Variants in TMEM266 observed in about 807,000 individuals in gnomAD.
TMEM266 encodes the protein transmembrane protein 266, also known as Hv1 related protein 1.
In TMEM266, 33 loss-of-function variants were observed where a neutral mutation model predicts 50.5. That is an observed-to-expected ratio of 0.65 (90% CI 0.50 to 0.87). TMEM266 has a LOEUF of 0.87. Ranked by LOEUF, TMEM266 falls within the 40% of genes least tolerant of loss-of-function variation. TMEM266 has a pLI of 0.00. For missense variants in TMEM266, 655 were observed against 695.1 expected, an observed-to-expected ratio of 0.94 and a Z score of 0.65; for synonymous variants, 310 against 292.3, an observed-to-expected ratio of 1.06 and a Z score of -0.62.
In TMEM266 at chr15:76,204,486, A is replaced by C; in HGVS notation, c.*171A>C. On this transcript the variant is annotated 3_prime_UTR_variant, in exon 11 of 11. Transcript: ENST00000388942. ...CAGGCCAGGAGGCCACAAGCTTCAG[A>C]CCTCAAAGCCCAGAGCTGGCGCCTC... is the stretch of plus-strand genomic sequence containing the variant. 1.7e-6 allele frequency: 1 copy of C among 585,384 alleles called. No homozygotes were observed. Among genetic ancestry groups the C allele is most frequent in the East Asian group, 2.9e-5 (1 of 34,912 alleles). The allele number at this position is 585,384 out of a possible 1,614,324, so 36.3% of individuals were successfully genotyped here.
At chr15:76,075,797 A>AT (rs1403378982) in intron 1 of TMEM266, among the ~76,000 whole-genome samples, 1 of 136,546 alleles carries the variant, frequency 7.3e-6, no homozygotes, top group East Asian at 2.2e-4. Context: ...AGCTACACAA[A>AT]TTATTCACCA....
In TMEM266 at chr15:76,169,883, A is replaced by G. The variant is rs747850201; in HGVS notation, c.513+11A>G. The G allele has an allele frequency of 1.4e-5, 23 of 1,612,272 alleles. No individual in the cohort carries two copies. The South Asian group carries it at 2.0e-4, about 14-fold the overall frequency. ...GAAAACAAAATAGAGGTAAAGACCA[A>G]TGTCCACCCCCAAAGCCCCCACTCT... On this transcript the variant is annotated intron_variant, in intron 6 of 10. Coordinates refer to ENST00000388942, the MANE Select transcript of TMEM266 (RefSeq NM_152335.3).
chr15:76,178,489 T>C (rs1275920245), intron 8 of TMEM266: 1 of 152,122 alleles, frequency 6.6e-6, no homozygotes, highest in Non-Finnish European at 1.5e-5. Flanking sequence ...CCGCCCCTCA[T>C]AAATTCGCAG....
At position 76,204,152 on chromosome 15, in the gene TMEM266, T is replaced by C; in HGVS notation, c.1433T>C (p.Leu478Pro). 2 of 1,613,562 alleles carry C rather than the reference T, an allele frequency of 1.2e-6. No homozygotes were observed. The highest frequency in any genetic ancestry group is 2.2e-5 in the South Asian group (2 of 91,084). The change falls in exon 11 of 11, where the codon CTG becomes CCG. Residue 478 changes from leucine (L) to proline (P), a missense_variant. By Grantham distance (98) the Leu-to-Pro change is moderately conservative. Coordinates refer to ENST00000388942, the MANE Select transcript of TMEM266 (RefSeq NM_152335.3). ...GGCTCGGCCCAAACCAGCCCCGAGCTGGAACACAGGGTAAGTCTGTTCAAC... is the reference window on the plus strand; with the variant it reads ...GGCTCGGCCCAAACCAGCCCCGAGCCGGAACACAGGGTAAGTCTGTTCAAC...
At chr15:76,105,864 C>G (rs1452517606) in intron 1 of TMEM266, among the ~76,000 whole-genome samples, 1 of 152,170 alleles carries the variant, frequency 6.6e-6, no homozygotes, top group African/African-American at 2.4e-5. Context: ...AGTGTTCCCT[C>G]CTATATACAG....
chr15:76,160,764 C>A lies in TMEM266; in HGVS notation c.456+596C>A, dbSNP rs2038006249. Among the ~76,000 whole-genome samples the A allele has an allele frequency of 6.6e-6, 1 of 152,176 alleles. No individual in the cohort carries two copies. The highest frequency in any genetic ancestry group is 1.5e-5 in the Non-Finnish European group (1 of 68,024). On this transcript the variant is annotated intron_variant, in intron 5 of 10. Transcript: ENST00000388942. The surrounding 1 kb of genome is among the most constrained non-coding windows in gnomAD (Gnocchi z 5.7). Reference sequence around the variant, plus strand: ...GTGGGGGCTCAGGGAGCACGGATCGCCGTCAGCGTTGCTGGAGTCGGCTAG... The same window carrying A: ...GTGGGGGCTCAGGGAGCACGGATCGACGTCAGCGTTGCTGGAGTCGGCTAG...
At chr15:76,081,314 A>G (rs2036691175) in intron 1 of TMEM266, among the ~76,000 whole-genome samples, 2 of 152,216 alleles carry the variant, frequency 1.3e-5, no homozygotes, top group Non-Finnish European at 2.9e-5. Flanking sequence ...TTCCGTTTCC[A>G]ATAAGAGGAT....
intron 1 of TMEM266, among the ~76,000 whole-genome samples, chr15:76,070,993 C>T (rs1471319930): frequency 6.6e-6 from 1 of 152,204 alleles, no homozygotes; most frequent in East Asian, 1.9e-4. Flanking sequence ...TTTGTCTTAT[C>T]CTGACACACC....
chr15:76,197,621 G>A (rs1205373688), intron 9 of TMEM266, among the ~76,000 whole-genome samples: 2 of 152,218 alleles, frequency 1.3e-5, no homozygotes, highest in Non-Finnish European at 2.9e-5. Flanking sequence ...TACAGTAGGC[G>A]CTCAGTGAAT....
intron 3 of TMEM266, among the ~76,000 whole-genome samples, chr15:76,141,155 G>T (rs565731455): frequency 6.6e-6 from 1 of 152,142 alleles, no homozygotes; most frequent in East Asian, 1.9e-4. Flanking sequence ...TAACATCGTG[G>T]CTGTGACTGT....
chr15:76,139,366 C>A lies in TMEM266; in HGVS notation c.227+1471C>A, dbSNP rs2037641214. Among the ~76,000 whole-genome samples, 1 of 152,218 alleles carries A rather than the reference C, an allele frequency of 6.6e-6. No homozygotes were observed. Among genetic ancestry groups the A allele is most frequent in the Non-Finnish European group, 1.5e-5 (1 of 68,046 alleles). ...CACTGGACAAAAAAGGATAGGCAAG[C>A]AGGTCGGAGGCAGCTAAGGGACACC... On this transcript the variant is annotated intron_variant, in intron 3 of 10. Coordinates refer to ENST00000388942, the MANE Select transcript of TMEM266 (RefSeq NM_152335.3). This position sits in a 1 kb window ranked among gnomAD's most constrained non-coding sequence, Gnocchi z 4.1.
At chr15:76,194,013 C>G (rs2038619752) in intron 9 of TMEM266, among the ~76,000 whole-genome samples, 1 of 152,212 alleles carries the variant, frequency 6.6e-6, no homozygotes, top group Non-Finnish European at 1.5e-5. Context: ...GTTGAGGTGG[C>G]CACTACTGCT....
chr15:76,171,925 T>TG (rs951670973), intron 7 of TMEM266, among the ~76,000 whole-genome samples: 10 of 151,778 alleles, frequency 6.6e-5, no homozygotes, highest in Admixed American at 3.3e-4. Flanking sequence ...ATACTGGGGG[T>TG]GGGGGGTGAC....
intron 3 of TMEM266, among the ~76,000 whole-genome samples, chr15:76,148,952 C>A (rs1325557377): frequency 6.6e-6 from 1 of 152,086 alleles, no homozygotes; most frequent in Non-Finnish European, 1.5e-5. Context: ...TTTAGTTATC[C>A]CAGAGCTCTG....
At chr15:76,065,324 G>A (rs1326341469) in intron 1 of TMEM266, among the ~76,000 whole-genome samples, 1 of 151,732 alleles carries the variant, frequency 6.6e-6, no homozygotes, top group Non-Finnish European at 1.5e-5. Context: ...CCCCTCTACT[G>A]AAACAGAACT....
At chr15:76,094,632 G>T (rs1038898121) in intron 1 of TMEM266, among the ~76,000 whole-genome samples, 6 of 152,042 alleles carry the variant, frequency 3.9e-5, no homozygotes, top group African/African-American at 1.4e-4. Flanking sequence ...TTTTAATGTA[G>T]TTTTTTCCAG....
chr15:76,092,055 G>A (rs1319894234), intron 1 of TMEM266, among the ~76,000 whole-genome samples: 1 of 151,822 alleles, frequency 6.6e-6, no homozygotes. Flanking sequence ...ATATGAAGCA[G>A]GCTAAAATAT....
intron 9 of TMEM266, among the ~76,000 whole-genome samples, chr15:76,200,189 C>T (rs1471925153): frequency 6.6e-6 from 1 of 152,160 alleles, no homozygotes; most frequent in Non-Finnish European, 1.5e-5. Flanking sequence ...ACCAGAGCTG[C>T]TCCACTTCCT....
chr15:76,164,821 A>T (rs897601433), intron 5 of TMEM266, among the ~76,000 whole-genome samples: 33 of 152,172 alleles, frequency 2.2e-4, no homozygotes, highest in Middle Eastern at 3.4e-3. Context: ...GGGGCTAGAC[A>T]CGGCTGCTCC....
Sources: allele counts gnomAD v4.1 joint callset (sites outside exome capture counted in the v4.1 genomes callset), GRCh38; gene constraint gnomAD v4.1.1; non-coding constraint Gnocchi (gnomAD v3.1); transcripts MANE v1.5; gene names NCBI Gene and HGNC (gene_info 2026-07-23, HGNC 2026-07-21).